The following KDM7A variants were observed in gnomAD, a reference collection of about 807,000 sequenced individuals.
KDM7A encodes the protein lysine demethylase 7A.
In KDM7A, 28 loss-of-function variants were observed where a neutral mutation model predicts 114.8. The observed-to-expected ratio is 0.24, with a 90% CI of 0.18 to 0.33. The LOEUF is 0.33. KDM7A is among the 10% of genes least tolerant of loss of function. The pLI is 1.00. For missense variants in KDM7A, 942 were observed against 1,142.5 expected, an observed-to-expected ratio of 0.82 and a Z score of 2.53; for synonymous variants, 423 against 397.8, an observed-to-expected ratio of 1.06 and a Z score of -0.75.
chr7:140,171,540 T>C (rs1794639812), intron 1 of KDM7A, among the ~76,000 whole-genome samples: 2 of 142,244 alleles, frequency 1.4e-5, no homozygotes, highest in Admixed American at 7.2e-5. Context: ...TATTTATATA[T>C]TTATAAATAT....
chr7:140,108,067 C>G (rs1818368986), intron 11 of KDM7A, among the ~76,000 whole-genome samples: 1 of 152,312 alleles, frequency 6.6e-6, no homozygotes, highest in East Asian at 1.9e-4. Flanking sequence ...ATCAAATCGG[C>G]TACCGAAGCT....
intron 15 of KDM7A, among the ~76,000 whole-genome samples, chr7:140,097,288 A>G (rs1380929572): frequency 3.3e-5 from 5 of 152,276 alleles, no homozygotes; most frequent in Non-Finnish European, 7.3e-5. Flanking sequence ...TCCATGAGAA[A>G]TATGAAACAA....
rs780259074 is a variant in KDM7A, at chr7:140,091,131, T to C, written c.2789A>G (p.Lys930Arg). ...TAKQRLGKIL[K>R]LNRNGHARFF... ...ACGTGCATGGCCATTTCTGTTCAAC[T>C]TAAGGATCTTCCCAAGACGTTGTTT... The change falls in exon 20 of 20, where the codon AAG (lysine) becomes AGG (arginine). Residue 930 changes from lysine (K) to arginine (R), a missense_variant. Around this residue, in one of 4 missense-constraint regions of KDM7A, gnomAD observed 512 missense variants for 576.6 expected, o/e 0.89. Coordinates refer to ENST00000397560, the MANE Select transcript of KDM7A (RefSeq NM_030647.2). The C allele has an allele frequency of 1.4e-5, 22 of 1,614,166 alleles. No homozygotes were observed. The highest frequency in any genetic ancestry group is 1.9e-5 in the Non-Finnish European group (22 of 1,179,970).
intron 1 of KDM7A, among the ~76,000 whole-genome samples, chr7:140,141,035 T>A (rs560094557): frequency 6.6e-6 from 1 of 152,064 alleles, no homozygotes; most frequent in East Asian, 1.9e-4. Context: ...AAAAGTGAAA[T>A]ACCATGTACA....
At chr7:140,146,193 G>A (rs1465112530) in intron 1 of KDM7A, among the ~76,000 whole-genome samples, 1 of 152,058 alleles carries the variant, frequency 6.6e-6, no homozygotes, top group African/African-American at 2.4e-5. Context: ...TAGTACATCT[G>A]AAAAACAGTC....
rs1420666032 is a variant in KDM7A at position 140,126,655 on chromosome 7, G to C, written c.870C>G (p.Val290=). The change falls in exon 6 of 20, where the codon GTC becomes GTG. Residue 290 remains valine, a synonymous_variant. Transcript: ENST00000397560. ...ATCTTACCCAGAGGACATGGTACCAGACTGAAGTTCCACCGAAGTCAATGT... is the reference window on the plus strand; with the variant it reads ...ATCTTACCCAGAGGACATGGTACCACACTGAAGTTCCACCGAAGTCAATGT... ...DFHIDFGGTS[V]WYHVLWGEKI... 1 of 1,612,458 alleles carries C rather than the reference G, an allele frequency of 6.2e-7. No individual in the cohort carries two copies. Among genetic ancestry groups the C allele is most frequent in the Non-Finnish European group, 8.5e-7 (1 of 1,179,202 alleles).
At chr7:140,124,930 T>A in intron 6 of KDM7A, 147 bp from the exon 7 acceptor site, 1 of 592,164 alleles carries the variant, frequency 1.7e-6, no homozygotes, top group Non-Finnish European at 2.9e-6. Context: ...TTCACACACC[T>A]GATCAGTAGC....
rs143817006 is a variant in KDM7A at position 140,103,283 on chromosome 7, G to A, written c.1429-1123C>T. On this transcript the variant is annotated intron_variant, in intron 11 of 19. Transcript: ENST00000397560. The stretch of plus-strand genomic sequence containing the variant: ...CAAAATATCTTCAAGGTTCATCCAC[G>A]CTATACCATGTGTCAGCATTTCCTT... Among the ~76,000 whole-genome samples the A allele has an allele frequency of 1.0e-2, 1,513 of 151,578 alleles. 13 individuals carry two copies. The highest frequency in any genetic ancestry group is 0.017 in the Non-Finnish European group (1,128 of 67,916).
intron 8 of KDM7A, among the ~76,000 whole-genome samples, chr7:140,119,944 T>C (rs1331970980): frequency 6.6e-6 from 1 of 152,198 alleles, no homozygotes; most frequent in Admixed American, 6.5e-5. Flanking sequence ...CAATGTTACC[T>C]AGTAAAAGTC....
At chr7:140,169,801 G>A (rs1295142039) in intron 1 of KDM7A, among the ~76,000 whole-genome samples, 1 of 152,168 alleles carries the variant, frequency 6.6e-6, no homozygotes, top group East Asian at 1.9e-4. Context: ...TGGGATTAGC[G>A]TGAGCCACTG....
In KDM7A at chr7:140,176,739, T is replaced by C. The variant is rs1464771536; in HGVS notation, c.194+5A>G. 1 of 1,328,044 alleles carries C rather than the reference T, an allele frequency of 7.5e-7. No individual in the cohort carries two copies. Among genetic ancestry groups the C allele is most frequent in the Non-Finnish European group, 9.9e-7 (1 of 1,011,770 alleles). The allele number at this position is 1,328,044 out of a possible 1,614,324, so 82.3% of individuals were successfully genotyped here. On this transcript the variant is annotated splice_donor_5th_base_variant and intron_variant, in intron 1 of 19. Transcript: ENST00000397560. The surrounding 1 kb of genome is among the most constrained non-coding windows in gnomAD (Gnocchi z 4.4). Reference sequence around the variant, plus strand: ...CGGCTGCGGGGCTGGAGGGGGTTTATTTACCTGCCGTGGAACCAGTCCTTG... The same window carrying C: ...CGGCTGCGGGGCTGGAGGGGGTTTACTTACCTGCCGTGGAACCAGTCCTTG...
intron 11 of KDM7A, among the ~76,000 whole-genome samples, chr7:140,107,327 C>A (rs1039929946): frequency 4.6e-5 from 7 of 152,044 alleles, no homozygotes; most frequent in Non-Finnish European, 1.5e-5. Flanking sequence ...ATGTTAGCTG[C>A]TTATTTTGCT....
In KDM7A at chr7:140,089,279, T is replaced by C. The variant is rs901310576; in HGVS notation, c.*1815A>G. 5 of 152,232 alleles carry C rather than the reference T, an allele frequency of 3.3e-5. No individual in the cohort carries two copies. Among genetic ancestry groups the C allele is most frequent in the Admixed American group, 3.3e-4 (5 of 15,280 alleles). The allele number at this position is 152,232 out of a possible 1,614,324, so 9.4% of individuals were successfully genotyped here. On this transcript the variant is annotated 3_prime_UTR_variant, in exon 20 of 20. Transcript: ENST00000397560. ...TGATACCCAGATAAGATTCAGACTT[T>C]GGTCCAGTCACTCTGAACCAGAAAG...
chr7:140,117,699 T>C (rs1818554533), intron 9 of KDM7A, among the ~76,000 whole-genome samples: 1 of 152,234 alleles, frequency 6.6e-6, no homozygotes, highest in African/African-American at 2.4e-5. Flanking sequence ...TGTACTTAAA[T>C]GGGAGACTAT....
chr7:140,120,625 C>T, intron 7 of KDM7A, 96 bp from the exon 8 acceptor site: 2 of 706,018 alleles, frequency 2.8e-6, no homozygotes, highest in Non-Finnish European at 5.1e-6. Flanking sequence ...ATATCAATAT[C>T]AGTTTACTTC....
intron 1 of KDM7A, among the ~76,000 whole-genome samples, chr7:140,159,086 C>A (rs1305723291): frequency 6.6e-6 from 1 of 152,228 alleles, no homozygotes; most frequent in Non-Finnish European, 1.5e-5. Flanking sequence ...TGACTCATAC[C>A]TGTAATCCCA....
rs1162389455 is a variant in KDM7A at position 140,086,702 on chromosome 7, G to A, written c.*4392C>T. 2.0e-5 allele frequency: 3 copies of A among 152,090 alleles called. No individual in the cohort carries two copies. The highest frequency in any genetic ancestry group is 4.4e-5 in the Non-Finnish European group (3 of 68,030). 9.4% of individuals were successfully genotyped at this position (152,090 alleles called of 1,614,324 possible). On this transcript the variant is annotated 3_prime_UTR_variant, in exon 20 of 20. Coordinates refer to ENST00000397560, the MANE Select transcript of KDM7A (RefSeq NM_030647.2). ...ACTGGGGGCTGTTTTAGGAAGCAAAGTATCAGAGGCCCCAGATCCACTGTG... is the reference window on the plus strand; with the variant it reads ...ACTGGGGGCTGTTTTAGGAAGCAAAATATCAGAGGCCCCAGATCCACTGTG...
chr7:140,115,090 G>A (rs1818502676), intron 9 of KDM7A, among the ~76,000 whole-genome samples: 1 of 150,742 alleles, frequency 6.6e-6, no homozygotes, highest in Admixed American at 6.6e-5. Flanking sequence ...GTGGGGGGCA[G>A]CCCCCGCCCG....
chr7:140,109,413 T>C (rs1818396760), intron 11 of KDM7A, among the ~76,000 whole-genome samples: 1 of 152,224 alleles, frequency 6.6e-6, no homozygotes, highest in African/African-American at 2.4e-5. Context: ...CAGTCAGCAT[T>C]TCCTTCTTTT....
Sources: allele counts gnomAD v4.1 joint callset (sites outside exome capture counted in the v4.1 genomes callset), GRCh38; gene constraint gnomAD v4.1.1; regional missense constraint gnomAD v4.1.1; non-coding constraint Gnocchi (gnomAD v3.1); transcripts MANE v1.5; gene names NCBI Gene and HGNC (gene_info 2026-07-23, HGNC 2026-07-21).